The following PACRG variants were observed in gnomAD, a reference collection of about 807,000 sequenced individuals.
PACRG encodes the protein parkin coregulated.
Under a neutral mutation model 29.7 loss-of-function variants are expected in PACRG, and 29 were observed. That is an observed-to-expected ratio of 0.98 (90% CI 0.73 to 1.33). The LOEUF (loss-of-function observed/expected upper bound fraction) is 1.33, where lower values mean the gene tolerates loss of function less well. Among genes scored for constraint, PACRG ranks in the 40% most tolerant of loss-of-function variants. PACRG has a pLI of 0.00. For synonymous variants in PACRG, 116 were observed against 118.7 expected (o/e 0.98, Z 0.15); for missense variants, 279 against 316.2 (o/e 0.88, Z 0.89).
chr6:162,786,347 G>C (rs976428132), intron 1 of PACRG, among the ~76,000 whole-genome samples: 1 of 152,164 alleles, frequency 6.6e-6, no homozygotes, highest in Non-Finnish European at 1.5e-5. Context: ...TACTCTTAAC[G>C]AAACCCGTTT....
intron 2 of PACRG, among the ~76,000 whole-genome samples, chr6:162,941,582 G>C (rs910056147): frequency 2.0e-5 from 3 of 152,134 alleles, no homozygotes; most frequent in African/African-American, 7.2e-5. Context: ...TGATTTTACT[G>C]TCATTGTTGC....
chr6:163,259,724 G>A (rs138757609), intron 4 of PACRG, among the ~76,000 whole-genome samples: 1 of 152,076 alleles, frequency 6.6e-6, no homozygotes, highest in South Asian at 2.1e-4. Flanking sequence ...TCTACAGTAC[G>A]CCTTCCCAGC....
chr6:163,159,198 C>A (rs1778447187), intron 4 of PACRG, among the ~76,000 whole-genome samples: 1 of 151,666 alleles, frequency 6.6e-6, no homozygotes, highest in African/African-American at 2.4e-5. Context: ...AATGTTATAT[C>A]TATCTGGCAT....
At chr6:163,127,837 G>C (rs1345901830) in intron 4 of PACRG, among the ~76,000 whole-genome samples, 1 of 152,128 alleles carries the variant, frequency 6.6e-6, no homozygotes, top group Non-Finnish European at 1.5e-5. Context: ...ATGACAGCCT[G>C]CTGATTATTT....
intron 2 of PACRG, among the ~76,000 whole-genome samples, chr6:162,919,383 G>A (rs1427967333): frequency 6.6e-6 from 1 of 152,206 alleles, no homozygotes; most frequent in African/African-American, 2.4e-5. Flanking sequence ...CTGAGCAAAG[G>A]AGGGAGTGAG....
intron 4 of PACRG, among the ~76,000 whole-genome samples, chr6:163,114,565 C>T (rs181190962): frequency 1.6e-4 from 25 of 151,892 alleles, no homozygotes; most frequent in Admixed American, 1.2e-3. Context: ...CATGAATGAA[C>T]CTGGAGGACA....
chr6:163,123,958 T>A (rs1186355226), intron 4 of PACRG, among the ~76,000 whole-genome samples: 1 of 152,228 alleles, frequency 6.6e-6, no homozygotes, highest in African/African-American at 2.4e-5. Flanking sequence ...GGAGTGCAGA[T>A]GTTTCTTCGA....
At chr6:163,070,468 G>A (rs1170416859) in intron 3 of PACRG, among the ~76,000 whole-genome samples, 2 of 151,934 alleles carry the variant, frequency 1.3e-5, no homozygotes, top group African/African-American at 4.8e-5. Context: ...TATGCAAACA[G>A]TATTATCAGC....
chr6:163,099,973 C>T (rs1005015183), intron 4 of PACRG, among the ~76,000 whole-genome samples: 2 of 152,140 alleles, frequency 1.3e-5, no homozygotes, highest in Non-Finnish European at 2.9e-5. Context: ...GGACGGGCTC[C>T]GGGCTAGGAG....
chr6:163,256,080 G>A (rs532714047), intron 4 of PACRG, among the ~76,000 whole-genome samples: 4 of 152,182 alleles, frequency 2.6e-5, no homozygotes, highest in Admixed American at 1.3e-4. Flanking sequence ...ACTATTCTAC[G>A]TTCTGCTAAT....
intron 2 of PACRG, among the ~76,000 whole-genome samples, chr6:162,821,843 A>C (rs1787868858): frequency 6.6e-6 from 1 of 152,156 alleles, no homozygotes; most frequent in African/African-American, 2.4e-5. Flanking sequence ...CTCTTTACTG[A>C]AGCACTATTG....
intron 4 of PACRG, among the ~76,000 whole-genome samples, chr6:163,214,829 TGG>T (rs1387861483): frequency 2.6e-5 from 4 of 152,168 alleles, no homozygotes; most frequent in African/African-American, 9.6e-5. Context: ...GTTGTAGCAA[TGG>T]TTAGGATCCT....
intron 2 of PACRG, among the ~76,000 whole-genome samples, chr6:162,880,720 G>A (rs1037158435): frequency 2.0e-5 from 3 of 152,142 alleles, no homozygotes; most frequent in African/African-American, 7.2e-5. Flanking sequence ...TCTATAAACT[G>A]TTGTGCCTCA....
intron 4 of PACRG, among the ~76,000 whole-genome samples, chr6:163,251,145 T>C (rs1782887841): frequency 6.6e-6 from 1 of 151,874 alleles, no homozygotes; most frequent in Non-Finnish European, 1.5e-5. Flanking sequence ...AGAGAATACA[T>C]GTTGGGTGCA....
chr6:162,910,381 C>A (rs778327846), intron 2 of PACRG, among the ~76,000 whole-genome samples: 6 of 152,156 alleles, frequency 3.9e-5, no homozygotes, highest in African/African-American at 7.2e-5. Flanking sequence ...TATTTTCCTT[C>A]CCTTAGCTAA....
chr6:163,257,891 A>G (rs1783177773), intron 4 of PACRG, among the ~76,000 whole-genome samples: 1 of 152,174 alleles, frequency 6.6e-6, no homozygotes, highest in Non-Finnish European at 1.5e-5. Flanking sequence ...AAGGCTATTA[A>G]TTTTGGTATG....
chr6:163,295,410 G>C (rs77634119), intron 4 of PACRG, among the ~76,000 whole-genome samples: 2,287 of 152,302 alleles, frequency 0.015, 48 homozygotes, highest in African/African-American at 0.051. Context: ...CAAGGAAGCA[G>C]ACTGTAAGGG....
chr6:162,788,398 A>G (rs1418172849), intron 1 of PACRG, among the ~76,000 whole-genome samples: 2 of 128,278 alleles, frequency 1.6e-5, no homozygotes, highest in Non-Finnish European at 1.9e-5. Flanking sequence ...ACCACAGTTT[A>G]TTTATCCATT....
At chr6:163,090,972 G>A (rs1585192493) in intron 4 of PACRG, among the ~76,000 whole-genome samples, 1 of 152,166 alleles carries the variant, frequency 6.6e-6, no homozygotes, top group East Asian at 1.9e-4. Context: ...GCCTCTTGTA[G>A]CTTTCCTCCC....
Sources: gnomAD v4.1 joint callset for allele counts (sites outside exome capture counted in the v4.1 genomes callset) on GRCh38, gnomAD v4.1.1 for gene constraint, MANE v1.5 for transcripts, NCBI Gene and HGNC (gene_info 2026-07-23, HGNC 2026-07-21) for gene names.